Variants in AKR1B1 observed in about 807,000 individuals in gnomAD.
The protein encoded by AKR1B1 is aldo-keto reductase family 1 member B1.
AKR1B1 carries 22 observed loss-of-function variants against 40.4 expected under a neutral mutation model. The observed-to-expected ratio is 0.54, with a 90% CI of 0.39 to 0.78. The LOEUF (loss-of-function observed/expected upper bound fraction) is 0.78, where lower values mean the gene tolerates loss of function less well. Among genes scored for constraint, AKR1B1 ranks in the 30% least tolerant of loss-of-function variants. The probability of loss-of-function intolerance (pLI) is 0.00; values close to 1 mark genes in which losing one functional copy is unlikely to be tolerated. For synonymous variants in AKR1B1, 157 were observed against 149.9 expected, an observed-to-expected ratio of 1.05 and a Z score of -0.35; for missense variants, 357 against 396.7, an observed-to-expected ratio of 0.90 and a Z score of 0.85.
intron 2 of AKR1B1, 182 bp from the exon 3 acceptor site, chr7:134,451,084 G>T: frequency 1.5e-6 from 1 of 679,228 alleles, no homozygotes; most frequent in Admixed American, 2.0e-5. Context: ...GGATGACCAG[G>T]TCACAGAGAC....
At position 134,445,040 on chromosome 7, in the gene AKR1B1, A is replaced by G. The variant is rs1806052440; in HGVS notation, c.908+198T>C. 4.6e-6 allele frequency: 3 copies of G among 658,476 alleles called. No homozygotes were observed. In the South Asian group the frequency reaches 5.0e-5, roughly 11 times the overall value. The allele number at this position is 658,476 out of a possible 1,614,324, so 40.8% of individuals were successfully genotyped here. On this transcript the variant is annotated intron_variant, in intron 9 of 9. Transcript: ENST00000285930. ...TGCCCCAGGGCTGGAAGAAGATATC[A>G]AGAGCGGATCTCTTGGCATCTTGGC...
chr7:134,448,565 T>A (rs552254440), intron 5 of AKR1B1, 72 bp from the exon 6 acceptor site: 1 of 1,159,254 alleles, frequency 8.6e-7, no homozygotes, highest in African/African-American at 1.5e-5. Context: ...TGAAGCTTCC[T>A]ATGCTAAAGT....
chr7:134,445,975 G>A (rs73164809), intron 8 of AKR1B1, among the ~76,000 whole-genome samples: 4 of 152,328 alleles, frequency 2.6e-5, no homozygotes, highest in South Asian at 2.1e-4. Context: ...ACAAGAGGCT[G>A]ACACACACTC....
At position 134,448,014 on chromosome 7, in the gene AKR1B1, G is replaced by GC; in HGVS notation, c.706dup (p.Ala236GlyfsTer8). The GC allele has an allele frequency of 6.2e-7, 1 of 1,613,218 alleles. No homozygotes were observed. The highest frequency in any genetic ancestry group is 8.5e-7 in the Non-Finnish European group (1 of 1,179,816). On this transcript the variant is annotated frameshift_variant, in exon 7 of 10. Coordinates refer to ENST00000285930, the MANE Select transcript of AKR1B1 (RefSeq NM_001628.4). LOFTEE classifies it high-confidence loss of function. ...AGTTTTATTGTGCTTGGCTGCGATC[G>GC]CCTTGATCCTGGGATCCTCCAGGAG...
chr7:134,458,638 C>A (rs1806567323), intron 1 of AKR1B1, among the ~76,000 whole-genome samples: 1 of 152,190 alleles, frequency 6.6e-6, no homozygotes, highest in Non-Finnish European at 1.5e-5. Flanking sequence ...GTGAAGCCCA[C>A]TTTCCCCGCC....
intron 1 of AKR1B1, among the ~76,000 whole-genome samples, chr7:134,454,643 A>C (rs1806408995): frequency 6.6e-6 from 1 of 152,214 alleles, no homozygotes. Flanking sequence ...CTCTGGGAAC[A>C]GGGAACTCTT....
chr7:134,456,665 T>C (rs1806483497), intron 1 of AKR1B1, among the ~76,000 whole-genome samples: 1 of 152,194 alleles, frequency 6.6e-6, no homozygotes, highest in African/African-American at 2.4e-5. Flanking sequence ...ACCATACAGC[T>C]ATCTCTAAAG....
In AKR1B1 at chr7:134,448,858, G is replaced by A. The variant is rs530032632; in HGVS notation, c.552+139C>T. ...TCTCCCAGATGTGCTGTGTCATGCT[G>A]AATCATAACTCAGGACTCTGCCAAC... is the stretch of plus-strand genomic sequence containing the variant. On this transcript the variant is annotated intron_variant, in intron 5 of 9. Transcript: ENST00000285930. 2.0e-5 allele frequency: 21 copies of A among 1,040,430 alleles called. No homozygotes were observed. In the African/African-American group the frequency reaches 2.7e-4, roughly 13 times the overall value. The allele number at this position is 1,040,430 out of a possible 1,614,324, so 64.4% of individuals were successfully genotyped here. A position where few individuals can be genotyped will look rare whatever the true frequency, so the allele number is the denominator to read the frequency against.
At chr7:134,448,200 C>A in intron 6 of AKR1B1, 139 bp from the exon 7 acceptor site, 3 of 922,624 alleles carry the variant, frequency 3.3e-6, no homozygotes, top group Non-Finnish European at 5.2e-6. Context: ...GAACCCCCAA[C>A]CCTTTGGAAA....
intron 3 of AKR1B1, among the ~76,000 whole-genome samples, chr7:134,450,141 C>G (rs1721704005): frequency 6.6e-6 from 1 of 152,228 alleles, no homozygotes; most frequent in South Asian, 2.1e-4. Flanking sequence ...CCAGCCTCCC[C>G]AGCTTACCCC....
intron 8 of AKR1B1, among the ~76,000 whole-genome samples, chr7:134,445,797 G>A (rs1806075026): frequency 6.6e-6 from 1 of 152,260 alleles, no homozygotes; most frequent in Admixed American, 6.5e-5. Flanking sequence ...AGCCGAAGAG[G>A]AGATGGTATT....
At chr7:134,447,448 T>A in intron 7 of AKR1B1, 67 bp from the exon 8 acceptor site, 1 of 1,347,768 alleles carries the variant, frequency 7.4e-7, no homozygotes, top group South Asian at 1.2e-5. Flanking sequence ...TCTCAGTCTC[T>A]CACACACACA....
intron 9 of AKR1B1, among the ~76,000 whole-genome samples, chr7:134,444,515 A>C (rs1026956758): frequency 5.9e-5 from 9 of 151,454 alleles, no homozygotes; most frequent in Admixed American, 6.5e-5. Context: ...GTACTAAAGG[A>C]GAGAGTGTGG....
Position 134,442,779 on chromosome 7 carries a change from A to T in AKR1B1, c.909-9T>A, listed in dbSNP as rs768802775. ...CCTTGTGGGAGGTACAGCTGTCAGG[A>T]GAAAGGAGAAAACAGTTGCTTTTTG... is the stretch of plus-strand genomic sequence containing the variant. On this transcript the variant is annotated splice_polypyrimidine_tract_variant and intron_variant, in intron 9 of 9. Transcript: ENST00000285930. 3.1e-6 allele frequency: 5 copies of T among 1,613,970 alleles called. No homozygotes were observed. The South Asian group carries it at 5.5e-5, about 18-fold the overall frequency.
At chr7:134,451,133 G>T (rs1482553242) in intron 2 of AKR1B1, among the ~76,000 whole-genome samples, 1 of 152,220 alleles carries the variant, frequency 6.6e-6, no homozygotes, top group Non-Finnish European at 1.5e-5. Context: ...GGAATGGACA[G>T]ATTGGCTAGC....
At chr7:134,446,188 C>T (rs958848660) in intron 8 of AKR1B1, among the ~76,000 whole-genome samples, 1 of 152,210 alleles carries the variant, frequency 6.6e-6, no homozygotes, top group African/African-American at 2.4e-5. Context: ...ACGAAACAAA[C>T]GATGCATCTC....
intron 4 of AKR1B1, chr7:134,449,386 A>G: frequency 1.8e-6 from 1 of 565,660 alleles, no homozygotes; most frequent in Non-Finnish European, 3.2e-6. Context: ...GGAGATCAAG[A>G]CCATCCTGGC....
chr7:134,444,159 T>C (rs968549294), intron 9 of AKR1B1, among the ~76,000 whole-genome samples: 8 of 152,230 alleles, frequency 5.3e-5, no homozygotes, highest in African/African-American at 1.9e-4. Context: ...CCTCTCCTCC[T>C]TGTCCACTAG....
At chr7:134,447,586 AC>A in intron 7 of AKR1B1, 1 of 653,298 alleles carries the variant, frequency 1.5e-6, no homozygotes, top group Admixed American at 2.2e-5. Context: ...TGCGCTAGCC[AC>A]TGTGCCACAC....
Sources: allele counts gnomAD v4.1 joint callset (sites outside exome capture counted in the v4.1 genomes callset), GRCh38; gene constraint gnomAD v4.1.1; transcripts MANE v1.5; gene names NCBI Gene and HGNC (gene_info 2026-07-23, HGNC 2026-07-21).